Variants in LSM4 observed in about 807,000 individuals in gnomAD.
LSM4 encodes the protein LSM4 homolog, U6 small nuclear RNA and mRNA degradation associated, also known as U6 snRNA-associated Sm-like protein LSm4.
Under a neutral mutation model 22.3 loss-of-function variants are expected in LSM4, and 15 were observed. The ratio of observed to expected loss-of-function variants is 0.67; its 90% CI spans 0.45 to 1.03. The LOEUF is 1.03. LSM4 is among the 50% of genes least tolerant of loss of function. LSM4 has a pLI of 0.00. For missense variants in LSM4, 127 were observed against 198.0 expected (o/e 0.64, Z 2.15); for synonymous variants, 90 against 79.8 (o/e 1.13, Z -0.68).
chr19:18,311,466 G>A (rs1316624289), intron 3 of LSM4, among the ~76,000 whole-genome samples: 2 of 152,188 alleles, frequency 1.3e-5, no homozygotes, highest in African/African-American at 4.8e-5. Context: ...ACCAACCCCT[G>A]GAGACCACGC....
chr19:18,318,522 G>A (rs1478822200), intron 1 of LSM4, among the ~76,000 whole-genome samples: 1 of 152,240 alleles, frequency 6.6e-6, no homozygotes, highest in Non-Finnish European at 1.5e-5. Flanking sequence ...GAAAACACAG[G>A]AGCCACAGAC....
In LSM4 at chr19:18,310,638, C is replaced by T. The variant is rs1255660891; in HGVS notation, c.145-777G>A. 2.0e-5 allele frequency among the ~76,000 whole-genome samples: 3 copies of T among 152,206 alleles called. No individual in the cohort carries two copies. In the East Asian group the frequency reaches 5.8e-4, roughly 29 times the overall value. On this transcript the variant is annotated intron_variant, in intron 3 of 4. Coordinates refer to ENST00000593829, the MANE Select transcript of LSM4 (RefSeq NM_012321.5). ...TTCCTACCATATCAGTTTCCCAGCC[C>T]CGCCCCACCGCCCAGGTTCCTGGAC...
In LSM4 at chr19:18,311,666, C is replaced by T. The variant is rs3787024; in HGVS notation, c.144+938G>A. 7.7e-4 allele frequency among the ~76,000 whole-genome samples: 118 copies of T among 152,288 alleles called. 1 individual carries two copies. The East Asian group carries it at 0.021, about 27-fold the overall frequency. ...CACAGCCAGACTGGACCCACCCAGACGCCCTCCGACAGGCTATGGCACGAA... is the reference window on the plus strand; with the variant it reads ...CACAGCCAGACTGGACCCACCCAGATGCCCTCCGACAGGCTATGGCACGAA... On this transcript the variant is annotated intron_variant, in intron 3 of 4. Transcript: ENST00000593829.
chr19:18,309,509 C>A (rs1464588173), intron 4 of LSM4, 169 bp downstream of exon 4: 1 of 663,060 alleles, frequency 1.5e-6, no homozygotes, highest in Admixed American at 3.4e-5. Flanking sequence ...AGTCCCAGGT[C>A]TCGGGGCTCC....
chr19:18,311,128 G>A (rs1054823811), intron 3 of LSM4, among the ~76,000 whole-genome samples: 1 of 152,142 alleles, frequency 6.6e-6, no homozygotes, highest in African/African-American at 2.4e-5. Context: ...GTTCTGTGGG[G>A]ACTCAGGGCC....
At position 18,309,681 on chromosome 19, in the gene LSM4, G is replaced by A. The variant is rs1207428956; in HGVS notation, c.325C>T (p.Arg109Ter). ...CCACTGGAGAGGGGAGACCCACCTC[G>A]GCCAGCGCCGCCCATGCCGCGGCCT... Reference protein sequence around the residue: ...QKGRGMGGAGRGVFGGRGRGG... With the variant: ...QKGRGMGGAG The change falls in exon 4 of 5, where the codon CGA (arginine) becomes TGA (stop). Residue 109 changes from arginine (R) to a stop codon, truncating the protein, a stop_gained. Transcript: ENST00000593829. LOFTEE classifies it high-confidence loss of function. 18 of 1,599,046 alleles carry A rather than the reference G, an allele frequency of 1.1e-5. No individual in the cohort carries two copies. The highest frequency in any genetic ancestry group is 1.5e-5 in the Non-Finnish European group (18 of 1,174,482).
chr19:18,319,493 C>T (rs1187404298), intron 1 of LSM4, among the ~76,000 whole-genome samples: 2 of 152,084 alleles, frequency 1.3e-5, no homozygotes, highest in Non-Finnish European at 2.9e-5. Context: ...ACCCAGGAGG[C>T]AGAGGCTGCA....
chr19:18,316,193 A>AC (rs1164437417), intron 1 of LSM4, 128 bp from the exon 2 acceptor site: 4 of 698,616 alleles, frequency 5.7e-6, no homozygotes, highest in African/African-American at 3.6e-5. Flanking sequence ...CGTGTCAATC[A>AC]CCCCCCACTG....
At chr19:18,307,947 C>CG (rs145944198) in intron 4 of LSM4, among the ~76,000 whole-genome samples, 1,592 of 120,812 alleles carry the variant, frequency 0.013, 22 homozygotes, top group African/African-American at 0.04. Context: ...GGCTCCCTGG[C>CG]GGGGGGGGGG....
At chr19:18,322,082 C>T (rs961672430) in intron 1 of LSM4, among the ~76,000 whole-genome samples, 2 of 152,180 alleles carry the variant, frequency 1.3e-5, no homozygotes, top group African/African-American at 4.8e-5. Flanking sequence ...CAAGGTGAAC[C>T]CATTGGGTGG....
chr19:18,320,083 C>T (rs1970408888), intron 1 of LSM4, among the ~76,000 whole-genome samples: 1 of 152,226 alleles, frequency 6.6e-6, no homozygotes, highest in Non-Finnish European at 1.5e-5. Context: ...CTCCCAGGCC[C>T]TCCCAGGCTG....
At chr19:18,312,282 G>A in intron 3 of LSM4, 1 of 300,232 alleles carries the variant, frequency 3.3e-6, no homozygotes, top group African/African-American at 2.2e-5. Flanking sequence ...AGGCAGCAGA[G>A]TCCGGGAGTC....
Position 18,306,273 on chromosome 19 carries a change from CA to C in LSM4, c.*1190del, listed in dbSNP as rs1414220861. ...GGGACCTTTTATTCCAATCACCTCT[CA>C]AAATAGGTCTCCGAACGAGGACCCT... On this transcript the variant is annotated 3_prime_UTR_variant, in exon 5 of 5. Transcript: ENST00000593829. 1 of 152,190 alleles carries C rather than the reference CA, an allele frequency of 6.6e-6. No individual in the cohort carries two copies. The highest frequency in any genetic ancestry group is 2.4e-5 in the African/African-American group (1 of 41,442). 9.4% of individuals were successfully genotyped at this position (152,190 alleles called of 1,614,324 possible).
At chr19:18,322,614 G>A (rs1289678216) in intron 1 of LSM4, among the ~76,000 whole-genome samples, 1 of 152,090 alleles carries the variant, frequency 6.6e-6, no homozygotes, top group Non-Finnish European at 1.5e-5. Context: ...ACTCAGACTG[G>A]CCCCCTACTT....
chr19:18,319,050 C>T (rs1371367150), intron 1 of LSM4, among the ~76,000 whole-genome samples: 1 of 152,120 alleles, frequency 6.6e-6, no homozygotes, highest in Non-Finnish European at 1.5e-5. Context: ...CCAGACCAGC[C>T]TGGCCAACAT....
At chr19:18,310,184 G>A in intron 3 of LSM4, 1 of 361,778 alleles carries the variant, frequency 2.8e-6, no homozygotes. Flanking sequence ...TCCAGCCTGG[G>A]ATGGGGCTCT....
intron 1 of LSM4, among the ~76,000 whole-genome samples, chr19:18,320,276 G>A (rs1163356077): frequency 6.6e-6 from 1 of 152,220 alleles, no homozygotes; most frequent in Non-Finnish European, 1.5e-5. Context: ...GGGAGACTGA[G>A]GTGGGAGGAT....
intron 2 of LSM4, among the ~76,000 whole-genome samples, chr19:18,315,816 C>G (rs1196876398): frequency 6.6e-6 from 1 of 152,132 alleles, no homozygotes; most frequent in East Asian, 1.9e-4. Context: ...GCCACTGCAA[C>G]TGGCCCATTA....
intron 4 of LSM4, 137 bp from the exon 5 acceptor site, chr19:18,307,692 G>A (rs1970245465): frequency 1.7e-6 from 1 of 590,274 alleles, no homozygotes; most frequent in Non-Finnish European, 2.8e-6. Flanking sequence ...GGTGACTGAG[G>A]GTGCTTGGAT....
Sources: gnomAD v4.1 joint callset for allele counts (sites outside exome capture counted in the v4.1 genomes callset) on GRCh38, gnomAD v4.1.1 for gene constraint, MANE v1.5 for transcripts, NCBI Gene and HGNC (gene_info 2026-07-23, HGNC 2026-07-21) for gene names.